The following PPIG variants were observed in gnomAD, a reference collection of about 807,000 sequenced individuals.
PPIG encodes the protein peptidylprolyl isomerase G, also known as peptidyl-prolyl cis-trans isomerase G.
Under a neutral mutation model 87.9 loss-of-function variants are expected in PPIG, and 26 were observed. The observed-to-expected ratio is 0.30, with a 90% CI of 0.22 to 0.41. The LOEUF (loss-of-function observed/expected upper bound fraction) is 0.41, where lower values mean the gene tolerates loss of function less well. Ranked by LOEUF, PPIG falls within the 10% of genes least tolerant of loss-of-function variation. The pLI is 1.00. For missense variants in PPIG, 722 were observed against 879.4 expected, an observed-to-expected ratio of 0.82 and a Z score of 2.26; for synonymous variants, 308 against 276.5, an observed-to-expected ratio of 1.11 and a Z score of -1.13.
chr2:169,607,853 A>G (rs1685376250), intron 6 of PPIG, among the ~76,000 whole-genome samples: 1 of 152,150 alleles, frequency 6.6e-6, no homozygotes, highest in Admixed American at 6.6e-5. Context: ...TCTAATCTGG[A>G]CTGTCTCACT....
chr2:169,586,882 G>C (rs1466363113), intron 1 of PPIG, among the ~76,000 whole-genome samples: 13 of 152,192 alleles, frequency 8.5e-5, no homozygotes, highest in Admixed American at 5.9e-4. Context: ...GTGACCTGAA[G>C]AGTTTGTTGC....
intron 1 of PPIG, among the ~76,000 whole-genome samples, chr2:169,599,807 C>A (rs1685126255): frequency 6.6e-6 from 1 of 152,118 alleles, no homozygotes; most frequent in South Asian, 2.1e-4. Context: ...CAATGAATTG[C>A]CCTAGTGCCC....
At chr2:169,633,122 T>TA (rs1054958163) in intron 11 of PPIG, 38 bp from the exon 12 acceptor site, 3 of 1,488,702 alleles carry the variant, frequency 2.0e-6, no homozygotes, top group African/African-American at 2.8e-5. Context: ...CAAAAGTTTT[T>TA]AAAAAAATGT....
At chr2:169,609,290 C>G (rs1331395277) in intron 7 of PPIG, among the ~76,000 whole-genome samples, 1 of 151,868 alleles carries the variant, frequency 6.6e-6, no homozygotes, top group African/African-American at 2.4e-5. Flanking sequence ...CTCACCACAG[C>G]CTCGACCTCC....
At chr2:169,607,065 G>A in intron 5 of PPIG, 39 bp from the exon 6 acceptor site, 1 of 1,353,952 alleles carries the variant, frequency 7.4e-7, no homozygotes, top group Non-Finnish European at 1.0e-6. Flanking sequence ...CCTTTGAGGA[G>A]CTTACTGAGA....
intron 1 of PPIG, among the ~76,000 whole-genome samples, chr2:169,603,153 T>C (rs1297800871): frequency 6.6e-6 from 1 of 152,220 alleles, no homozygotes; most frequent in Non-Finnish European, 1.5e-5. Context: ...AAATATAACA[T>C]AGCGTACATA....
At chr2:169,621,843 G>C (rs1480710302) in intron 9 of PPIG, among the ~76,000 whole-genome samples, 2 of 151,300 alleles carry the variant, frequency 1.3e-5, no homozygotes, top group Non-Finnish European at 2.9e-5. Flanking sequence ...TGTAATCCCA[G>C]CACTTTGTGA....
At chr2:169,592,531 C>A (rs1574435062) in intron 1 of PPIG, among the ~76,000 whole-genome samples, 1 of 151,972 alleles carries the variant, frequency 6.6e-6, no homozygotes, top group African/African-American at 2.4e-5. Flanking sequence ...GTCTCAATCT[C>A]CTGGCCTTGT....
chr2:169,587,953 C>A (rs949674446), intron 1 of PPIG, among the ~76,000 whole-genome samples: 1 of 151,900 alleles, frequency 6.6e-6, no homozygotes, highest in African/African-American at 2.4e-5. Context: ...GTCGGGAGTT[C>A]CAGACCAGCC....
intron 9 of PPIG, among the ~76,000 whole-genome samples, chr2:169,621,734 A>ATT (rs34145095): frequency 0.14 from 20,619 of 144,544 alleles, 1,476 homozygotes; most frequent in South Asian, 0.26. Context: ...TTGACAACTA[A>ATT]TTTTTTTTTT....
At position 169,641,399 on chromosome 2, in the gene PPIG, ATAAT is replaced by A. The variant is rs1686307298; in HGVS notation, c.*3877_*3880del. The A allele has an allele frequency of 6.6e-6, 1 of 152,212 alleles. No individual in the cohort carries two copies. Among genetic ancestry groups the A allele is most frequent in the South Asian group, 2.1e-4 (1 of 4,832 alleles). 9.4% of individuals were successfully genotyped at this position (152,212 alleles called of 1,614,324 possible). On this transcript the variant is annotated 3_prime_UTR_variant, in exon 14 of 14. Coordinates refer to ENST00000260970, the MANE Select transcript of PPIG (RefSeq NM_004792.3). ...AACATTGTATTAAATAAACTATACT[ATAAT>A]AAACAGTTTGGTTTTGTATTTTTTA...
chr2:169,601,940 T>C (rs1422021874), intron 1 of PPIG, among the ~76,000 whole-genome samples: 2 of 152,052 alleles, frequency 1.3e-5, no homozygotes, highest in Non-Finnish European at 1.5e-5. Context: ...TTTTGTTTAG[T>C]ATATTTTGAA....
intron 1 of PPIG, among the ~76,000 whole-genome samples, chr2:169,599,904 A>G (rs924545701): frequency 2.6e-5 from 4 of 152,082 alleles, no homozygotes; most frequent in African/African-American, 9.7e-5. Context: ...TTAATTTCAC[A>G]TAGACAAATA....
rs150083183 is a variant in PPIG, at chr2:169,631,051, G to A, written c.761+64G>A. ...GATTTCCTTTCTGTAAATCTGTTAG[G>A]ATTTTGGGTCAATTATATGAAACTG... is the stretch of plus-strand genomic sequence containing the variant. On this transcript the variant is annotated intron_variant, in intron 10 of 13. Coordinates refer to ENST00000260970, the MANE Select transcript of PPIG (RefSeq NM_004792.3). 9.0e-3 allele frequency: 12,627 copies of A among 1,403,748 alleles called. 76 individuals are homozygous for A. Among genetic ancestry groups the A allele is most frequent in the Non-Finnish European group, 0.011 (11,014 of 1,042,946 alleles). 87.0% of individuals were successfully genotyped at this position (1,403,748 alleles called of 1,614,324 possible).
chr2:169,609,041 G>A (rs1415501675), intron 7 of PPIG, among the ~76,000 whole-genome samples: 5 of 145,084 alleles, frequency 3.4e-5, no homozygotes, highest in African/African-American at 5.1e-5. Context: ...CTGAGATTGC[G>A]CCACTGCACT....
chr2:169,616,052 T>A (rs1351912414), intron 9 of PPIG, among the ~76,000 whole-genome samples: 3 of 152,148 alleles, frequency 2.0e-5, no homozygotes, highest in Admixed American at 6.5e-5. Flanking sequence ...CGTGTGTACA[T>A]GTGTTCTCAT....
At chr2:169,633,025 C>T (rs1686097871) in intron 11 of PPIG, 135 bp from the exon 12 acceptor site, 1 of 668,404 alleles carries the variant, frequency 1.5e-6, no homozygotes, top group Admixed American at 2.5e-5. Context: ...ATCCGCCCAC[C>T]TCGGCCTCCC....
chr2:169,604,642 G>A (rs1265587216), intron 4 of PPIG, among the ~76,000 whole-genome samples: 3 of 151,968 alleles, frequency 2.0e-5, no homozygotes, highest in Non-Finnish European at 4.4e-5. Flanking sequence ...CTGGGAGGCC[G>A]AGGGGGGTGG....
chr2:169,608,604 G>A (rs1685399722), intron 6 of PPIG, 67 bp from the exon 7 acceptor site: 1 of 927,948 alleles, frequency 1.1e-6, no homozygotes, highest in Non-Finnish European at 1.7e-6. Context: ...GATATGAATA[G>A]AAGTGAAGAT....
Sources: allele counts gnomAD v4.1 joint callset (sites outside exome capture counted in the v4.1 genomes callset), GRCh38; gene constraint gnomAD v4.1.1; transcripts MANE v1.5; gene names NCBI Gene and HGNC (gene_info 2026-07-23, HGNC 2026-07-21).